RIMBP2: variants seen among roughly 807,000 people sequenced by gnomAD.
RIMBP2 encodes RIMS binding protein 2.
In RIMBP2, 48 loss-of-function variants were observed where a neutral mutation model predicts 118.6. The observed-to-expected ratio is 0.40, with a 90% CI of 0.32 to 0.51. RIMBP2 has a LOEUF of 0.51. Ranked by LOEUF, RIMBP2 falls within the 20% of genes least tolerant of loss-of-function variation. RIMBP2 has a pLI of 0.41. For synonymous variants in RIMBP2, 762 were observed against 742.9 expected, an observed-to-expected ratio of 1.03 and a Z score of -0.42; for missense variants, 1,551 against 1,768.3, an observed-to-expected ratio of 0.88 and a Z score of 2.20.
chr12:130,544,841 C>A (rs1335206859), intron 2 of RIMBP2, among the ~76,000 whole-genome samples: 1 of 151,844 alleles, frequency 6.6e-6, no homozygotes. Context: ...GATCTGCCTG[C>A]CTCCACCTCC....
At chr12:130,583,115 A>G (rs2058583405) in intron 2 of RIMBP2, among the ~76,000 whole-genome samples, 1 of 152,170 alleles carries the variant, frequency 6.6e-6, no homozygotes, top group African/African-American at 2.4e-5. Context: ...TGAGAGGTGC[A>G]CAGTTCTGCA....
chr12:130,539,573 G>C (rs539736054), intron 2 of RIMBP2, among the ~76,000 whole-genome samples: 52 of 145,816 alleles, frequency 3.6e-4, no homozygotes, highest in African/African-American at 1.1e-3. Flanking sequence ...AAATGCAGTC[G>C]ATGGGGTGGC....
At position 130,532,026 on chromosome 12, in the gene RIMBP2, G is replaced by T. The variant is rs4759717; in HGVS notation, c.-216-14109C>A. Among the ~76,000 whole-genome samples, 57 of 13,698 alleles carry T rather than the reference G, an allele frequency of 4.2e-3. 2 individuals are homozygous for T. Among genetic ancestry groups the T allele is most frequent in the South Asian group, 5.4e-3 (2 of 368 alleles). 9.0% of individuals were successfully genotyped at this position (13,698 alleles called of 152,430 possible). A position where few individuals can be genotyped will look rare whatever the true frequency, so the allele number is the denominator to read the frequency against. ...ATGCGTATGTTTAGCCTCTAGGAGG[G>T]ACGTCTAATGAGATGCGTATGTTTA... is the stretch of plus-strand genomic sequence containing the variant. On this transcript the variant is annotated intron_variant, in intron 2 of 22. Transcript: ENST00000690449.
intron 1 of RIMBP2, among the ~76,000 whole-genome samples, chr12:130,674,513 T>G (rs1396311994): frequency 6.6e-6 from 1 of 152,176 alleles, no homozygotes; most frequent in Non-Finnish European, 1.5e-5. Context: ...TGGGCAGTTC[T>G]GCATAGCTGG....
At chr12:130,677,518 C>T (rs1253892515) in intron 1 of RIMBP2, among the ~76,000 whole-genome samples, 1 of 152,110 alleles carries the variant, frequency 6.6e-6, no homozygotes, top group Non-Finnish European at 1.5e-5. Context: ...GTCCCAGCTA[C>T]TCAGGAGACT....
intron 4 of RIMBP2, among the ~76,000 whole-genome samples, chr12:130,491,528 A>G (rs1274014689): frequency 1.3e-5 from 2 of 152,176 alleles, no homozygotes; most frequent in Non-Finnish European, 2.9e-5. Context: ...CACCACGCAC[A>G]CTGTTCGTGC....
chr12:130,576,252 C>T lies in RIMBP2; in HGVS notation c.-217+52070G>A, dbSNP rs1566293433. On this transcript the variant is annotated intron_variant, in intron 2 of 22. Coordinates refer to ENST00000690449, the MANE Select transcript of RIMBP2 (RefSeq NM_001393629.1). The surrounding 1 kb of genome is among the most constrained non-coding windows in gnomAD (Gnocchi z 4.2). Reference sequence around the variant, plus strand: ...TGTATCTTTTAATGTGTAACCAAAACCACAGGCCCAAAGCAAAAACTACAA... The same window carrying T: ...TGTATCTTTTAATGTGTAACCAAAATCACAGGCCCAAAGCAAAAACTACAA... Among the ~76,000 whole-genome samples, 1 of 152,134 alleles carries T rather than the reference C, an allele frequency of 6.6e-6. No individual in the cohort carries two copies. The highest frequency in any genetic ancestry group is 1.5e-5 in the Non-Finnish European group (1 of 68,034).
At chr12:130,403,580 A>G (rs2136316560) in intron 21 of RIMBP2, among the ~76,000 whole-genome samples, 1 of 152,356 alleles carries the variant, frequency 6.6e-6, no homozygotes, top group Non-Finnish European at 1.5e-5. Flanking sequence ...GTGCAACTGC[A>G]GTCTAAAAAG....
At chr12:130,494,900 C>T (rs753379754) in intron 4 of RIMBP2, among the ~76,000 whole-genome samples, 3 of 152,200 alleles carry the variant, frequency 2.0e-5, no homozygotes, top group Non-Finnish European at 4.4e-5. Flanking sequence ...GGCTGAAATC[C>T]AGGTGTCGGC....
At position 130,437,178 on chromosome 12, in the gene RIMBP2, G is replaced by A. The variant is rs181923151; in HGVS notation, c.1770C>T (p.Ser590=). 3.6e-5 allele frequency: 57 copies of A among 1,588,256 alleles called. No individual in the cohort carries two copies. The Middle Eastern group carries it at 6.6e-4, about 19-fold the overall frequency. The stretch of plus-strand genomic sequence containing the variant: ...GAACGGCAGCAACTGCAGAGTCCAC[G>A]GACTCGCCCTGGGCGGAGAGGGTCC... ...TVRTLSAQGE[S]VDSAVAAVPP... The change falls in exon 13 of 23, where the codon TCC becomes TCT. Residue 590 remains serine (S), a synonymous_variant. Coordinates refer to ENST00000690449, the MANE Select transcript of RIMBP2 (RefSeq NM_001393629.1).
intron 3 of RIMBP2, among the ~76,000 whole-genome samples, chr12:130,510,531 C>A (rs2138904605): frequency 6.6e-6 from 1 of 152,200 alleles, no homozygotes; most frequent in South Asian, 2.1e-4. Flanking sequence ...TGCAGTGATG[C>A]AATCTCGGCT....
At chr12:130,474,571 A>G (rs938661889) in intron 5 of RIMBP2, among the ~76,000 whole-genome samples, 1 of 152,222 alleles carries the variant, frequency 6.6e-6, no homozygotes, top group Non-Finnish European at 1.5e-5. Flanking sequence ...AAATGGGGCG[A>G]CATGCCCTCT....
chr12:130,569,604 T>TA (rs1403743916), intron 2 of RIMBP2, among the ~76,000 whole-genome samples: 1 of 152,226 alleles, frequency 6.6e-6, no homozygotes, highest in African/African-American at 2.4e-5. Flanking sequence ...GATCATGGTT[T>TA]ATACCATAGC....
intron 1 of RIMBP2, among the ~76,000 whole-genome samples, chr12:130,641,287 C>G (rs1362895070): frequency 9.2e-5 from 14 of 152,120 alleles, no homozygotes; most frequent in Non-Finnish European, 2.1e-4. Context: ...AGGAAGCCTT[C>G]ATCTCATGGT....
chr12:130,438,900 C>A (rs548080025), intron 11 of RIMBP2, among the ~76,000 whole-genome samples: 1 of 152,084 alleles, frequency 6.6e-6, no homozygotes, highest in Non-Finnish European at 1.5e-5. Flanking sequence ...GAGGGGCCAA[C>A]GAGACGCCGG....
intron 1 of RIMBP2, among the ~76,000 whole-genome samples, chr12:130,653,680 G>T (rs963145852): frequency 2.0e-5 from 3 of 152,246 alleles, no homozygotes; most frequent in African/African-American, 7.2e-5. Flanking sequence ...CCTGTGGCAG[G>T]CTTCTAGCTT....
At chr12:130,531,689 T>C (rs997889394) in intron 2 of RIMBP2, among the ~76,000 whole-genome samples, 1 of 152,264 alleles carries the variant, frequency 6.6e-6, no homozygotes, top group African/African-American at 2.4e-5. Context: ...CACCTAGGAA[T>C]AGAACAGTGG....
chr12:130,450,911 G>A lies in RIMBP2; in HGVS notation c.504+284C>T, dbSNP rs897428450. On this transcript the variant is annotated intron_variant, in intron 8 of 22. Coordinates refer to ENST00000690449, the MANE Select transcript of RIMBP2 (RefSeq NM_001393629.1). The surrounding 1 kb of genome is among the most constrained non-coding windows in gnomAD (Gnocchi z 4.8). ...AGCTCTGCGTCAACAGCCTTGCTGC[G>A]TCATCCTTGCACCCCTCGATGGGAT... Among the ~76,000 whole-genome samples, 10 of 152,098 alleles carry A rather than the reference G, an allele frequency of 6.6e-5. No individual in the cohort carries two copies. The highest frequency in any genetic ancestry group is 2.2e-4 in the African/African-American group (9 of 41,394).
chr12:130,668,586 G>A (rs895121326), intron 1 of RIMBP2: 8 of 152,398 alleles, frequency 5.2e-5, no homozygotes, highest in Non-Finnish European at 1.0e-4. Flanking sequence ...AGAACACTCG[G>A]GGGCCATAGG....
Sources: allele counts gnomAD v4.1 joint callset (sites outside exome capture counted in the v4.1 genomes callset), GRCh38; gene constraint gnomAD v4.1.1; non-coding constraint Gnocchi (gnomAD v3.1); transcripts MANE v1.5; gene names NCBI Gene and HGNC (gene_info 2026-07-23, HGNC 2026-07-21).